The following CXADR variants were observed in gnomAD, a reference collection of about 807,000 sequenced individuals.
CXADR encodes the protein coxsackievirus and adenovirus receptor.
A neutral mutation model predicts 40.3 loss-of-function variants in CXADR; 20 were observed. The observed-to-expected ratio is 0.50, with a 90% CI of 0.35 to 0.72. The LOEUF (loss-of-function observed/expected upper bound fraction) is 0.72, where lower values mean the gene tolerates loss of function less well. Ranked by LOEUF, CXADR falls within the 30% of genes least tolerant of loss-of-function variation. The probability of loss-of-function intolerance (pLI) is 0.01; values close to 1 mark genes in which losing one functional copy is unlikely to be tolerated. For missense variants in CXADR, 332 were observed against 449.1 expected (o/e 0.74, Z 2.36); for synonymous variants, 150 against 161.3 (o/e 0.93, Z 0.53).
At chr21:17,623,563 A>T in the CXADR span, among the ~76,000 whole-genome samples, 1 of 152,124 alleles carries the variant, frequency 6.6e-6, no homozygotes, top group Non-Finnish European at 1.5e-5. Context: ...CTCCCTAATT[A>T]ATCATTCCAG....
At chr21:17,624,503 C>A in the CXADR span, among the ~76,000 whole-genome samples, 1,723 of 152,266 alleles carry the variant, frequency 0.011, 31 homozygotes, top group African/African-American at 0.039. Context: ...AGAAACAGTG[C>A]ATGCTATCCT....
At position 17,566,765 on chromosome 21, in the gene CXADR, A is replaced by G. The variant is rs932713049; in HGVS notation, c.*1073A>G. On this transcript the variant is annotated 3_prime_UTR_variant, in exon 7 of 7. Coordinates refer to ENST00000284878, the MANE Select transcript of CXADR (RefSeq NM_001338.5). Reference sequence around the variant, plus strand: ...TAATCCCTGGATGATATTTTTTATCATAAATGCAGAATAATCAAATACATT... The same window carrying G: ...TAATCCCTGGATGATATTTTTTATCGTAAATGCAGAATAATCAAATACATT... 9.3e-6 allele frequency: 9 copies of G among 965,180 alleles called. No homozygotes were observed. The African/African-American group carries it at 1.6e-4, about 17-fold the overall frequency. The allele number at this position is 965,180 out of a possible 1,614,324, so 59.8% of individuals were successfully genotyped here.
intron 7 of CXADR, among the ~76,000 whole-genome samples, chr21:17,584,917 T>A (rs889676784): frequency 1.3e-5 from 2 of 152,224 alleles, no homozygotes; most frequent in Non-Finnish European, 2.9e-5. Context: ...AAATTTTAAA[T>A]ACATTTTCAT....
intron 1 of CXADR, among the ~76,000 whole-genome samples, chr21:17,533,126 G>C (rs2060699406): frequency 6.6e-6 from 1 of 152,158 alleles, no homozygotes; most frequent in Admixed American, 6.5e-5. Context: ...GTCTGAAATA[G>C]ATAATTTAGT....
chr21:17,614,920 T>C, the CXADR span, among the ~76,000 whole-genome samples: 4 of 152,168 alleles, frequency 2.6e-5, no homozygotes, highest in African/African-American at 9.7e-5. Context: ...CAGCTCTCTT[T>C]CCTTGTGAGT....
chr21:17,524,756 A>G (rs763896037), intron 1 of CXADR, among the ~76,000 whole-genome samples: 7 of 151,804 alleles, frequency 4.6e-5, no homozygotes, highest in Non-Finnish European at 8.8e-5. Context: ...GTGTGATACA[A>G]AAATTAGCCG....
the CXADR span, among the ~76,000 whole-genome samples, chr21:17,615,955 A>T: frequency 1.3e-5 from 2 of 152,166 alleles, no homozygotes; most frequent in African/African-American, 4.8e-5. Flanking sequence ...TTCAGCATTA[A>T]AAGCAAAACA....
chr21:17,515,354 G>A (rs762132725), intron 1 of CXADR, among the ~76,000 whole-genome samples: 11 of 152,070 alleles, frequency 7.2e-5, no homozygotes, highest in Non-Finnish European at 1.3e-4. Flanking sequence ...AGGCTGAGAT[G>A]GGAGGTTTGC....
chr21:17,612,218 C>G, the CXADR span: 4 of 152,288 alleles, frequency 2.6e-5, no homozygotes, highest in African/African-American at 9.6e-5. Flanking sequence ...CCAGCCTCCC[C>G]GACAACATCC....
At chr21:17,517,027 C>T (rs184883088) in intron 1 of CXADR, among the ~76,000 whole-genome samples, 110 of 152,098 alleles carry the variant, frequency 7.2e-4, no homozygotes, top group African/African-American at 2.2e-3. Flanking sequence ...AGAGCTTTGC[C>T]TTCATGTCTG....
Position 17,513,060 on chromosome 21 carries a change from G to C in CXADR, c.-70G>C. On this transcript the variant is annotated 5_prime_UTR_variant, in exon 1 of 7. Coordinates refer to ENST00000284878, the MANE Select transcript of CXADR (RefSeq NM_001338.5). ...CGCGAGCCAGTCGGGAGCGCGCGAGGCGCGGGGAGCCTGGGACCAGGAGCG... is the reference window on the plus strand; with the variant it reads ...CGCGAGCCAGTCGGGAGCGCGCGAGCCGCGGGGAGCCTGGGACCAGGAGCG... 2 of 1,300,884 alleles carry C rather than the reference G, an allele frequency of 1.5e-6. No homozygotes were observed. The highest frequency in any genetic ancestry group is 2.3e-5 in the South Asian group (1 of 43,176). The allele number at this position is 1,300,884 out of a possible 1,614,324, so 80.6% of individuals were successfully genotyped here. A position where few individuals can be genotyped will look rare whatever the true frequency, so the allele number is the denominator to read the frequency against.
At chr21:17,535,264 C>A (rs1055628827) in intron 1 of CXADR, among the ~76,000 whole-genome samples, 3 of 152,072 alleles carry the variant, frequency 2.0e-5, no homozygotes, top group Non-Finnish European at 4.4e-5. Context: ...GTAGCTGGGA[C>A]CACAGGCGTG....
chr21:17,533,063 G>C (rs1249149686), intron 1 of CXADR, among the ~76,000 whole-genome samples: 1 of 152,066 alleles, frequency 6.6e-6, no homozygotes. Context: ...GTCAGGGAAG[G>C]CTTCTTGTTG....
the CXADR span, chr21:17,598,907 C>T: frequency 1.9e-6 from 2 of 1,066,540 alleles, no homozygotes; most frequent in Non-Finnish European, 2.7e-6. Flanking sequence ...GAGATCTGGA[C>T]ATGCCATCAA....
Position 17,559,668 on chromosome 21 carries a change from G to GTTTTTTTTTTTTTTTTTTTTTTTT in CXADR, c.571+537_571+538insTTTTTTTTTTTTTTTTTTTTTTTT. 1.9e-5 allele frequency among the ~76,000 whole-genome samples: 2 copies of GTTTTTTTTTTTTTTTTTTTTTTTT among 106,208 alleles called. 1 individual carries two copies. Among genetic ancestry groups the GTTTTTTTTTTTTTTTTTTTTTTTT allele is most frequent in the Non-Finnish European group, 3.7e-5 (2 of 54,134 alleles). The allele number at this position is 106,208 out of a possible 152,430, so 69.7% of individuals were successfully genotyped here. The stretch of plus-strand genomic sequence containing the variant: ...TTAGTTACTTTGGTACTTTTTTTTG[G>GTTTTTTTTTTTTTTTTTTTTTTTT]GTTTTTTTTTTTTTTTTTTTTTTCC... On this transcript the variant is annotated intron_variant, in intron 4 of 6. Transcript: ENST00000284878.
At chr21:17,604,762 C>A in the CXADR span, 5 of 1,392,420 alleles carry the variant, frequency 3.6e-6, no homozygotes, top group African/African-American at 7.3e-5. Flanking sequence ...CCACCAGCTC[C>A]TGGCCATAAA....
chr21:17,571,713 A>G (rs887286115), downstream of CXADR, among the ~76,000 whole-genome samples: 1 of 152,204 alleles, frequency 6.6e-6, no homozygotes, highest in Non-Finnish European at 1.5e-5. Flanking sequence ...ATGATTTTTA[A>G]ATTGTGTTAA....
At chr21:17,544,946 C>T (rs1294799368) in intron 1 of CXADR, among the ~76,000 whole-genome samples, 9 of 151,654 alleles carry the variant, frequency 5.9e-5, no homozygotes, top group Non-Finnish European at 1.5e-5. Context: ...TGGAAAGAAT[C>T]ATGCAGTGAC....
chr21:17,593,227 T>C lies in CXADR; in HGVS notation c.*34T>C, dbSNP rs776298007. ...TACTGAAGAATCTGAAGTATTGTAT[T>C]ATTTGACTTTATTTTAGGCCTCTAG... On this transcript the variant is annotated 3_prime_UTR_variant, in exon 8 of 8. Coordinates refer to the CXADR transcript ENST00000400169. The C allele has an allele frequency of 1.4e-5, 20 of 1,381,290 alleles. No homozygotes were observed. In the African/African-American group the frequency reaches 3.0e-4, roughly 21 times the overall value. The allele number at this position is 1,381,290 out of a possible 1,614,324, so 85.6% of individuals were successfully genotyped here. A position where few individuals can be genotyped will look rare whatever the true frequency, so the allele number is the denominator to read the frequency against.
Sources: gnomAD v4.1 joint callset for allele counts (sites outside exome capture counted in the v4.1 genomes callset) on GRCh38, gnomAD v4.1.1 for gene constraint, MANE v1.5 for transcripts, NCBI Gene and HGNC (gene_info 2026-07-23, HGNC 2026-07-21) for gene names.